Variants in CCDC3 observed in about 807,000 individuals in gnomAD.
The protein encoded by CCDC3 is coiled-coil domain-containing protein 3.
A neutral mutation model predicts 21.4 loss-of-function variants in CCDC3; 24 were observed. That is an observed-to-expected ratio of 1.12 (90% CI 0.81 to 1.58). The LOEUF (loss-of-function observed/expected upper bound fraction) is 1.58. Among genes scored for constraint, CCDC3 ranks in the 40% most tolerant of loss-of-function variants. The pLI, the probability that CCDC3 is intolerant of heterozygous loss-of-function variation, is 0.00. For synonymous variants in CCDC3, 186 were observed against 166.0 expected (o/e 1.12, Z -0.93); for missense variants, 425 against 360.9 (o/e 1.18, Z -1.44).
intron 2 of CCDC3, among the ~76,000 whole-genome samples, chr10:12,902,392 T>C (rs187178904): frequency 6.6e-6 from 1 of 152,252 alleles, no homozygotes; most frequent in African/African-American, 2.4e-5. Flanking sequence ...GTCTTGTGGA[T>C]AGATATTAGC....
At chr10:13,091,626 T>C (rs1343234131) in intron 3 of CCDC3, among the ~76,000 whole-genome samples, 1 of 152,168 alleles carries the variant, frequency 6.6e-6, no homozygotes, top group East Asian at 1.9e-4. Context: ...AACGCAGAAA[T>C]GTTCGCCTTC....
intron 5 of CCDC3, among the ~76,000 whole-genome samples, chr10:13,036,019 C>A (rs1330508731): frequency 6.6e-6 from 1 of 152,132 alleles, no homozygotes; most frequent in Non-Finnish European, 1.5e-5. Flanking sequence ...TGATATGCAC[C>A]TGCAGTCCCG....
intron 2 of CCDC3, among the ~76,000 whole-genome samples, chr10:12,913,801 G>A (rs913232069): frequency 2.6e-5 from 4 of 152,170 alleles, no homozygotes; most frequent in African/African-American, 9.7e-5. Flanking sequence ...AAAGGAAGTT[G>A]AATTTTGTCC....
At chr10:13,035,093 C>T (rs936919573) in intron 5 of CCDC3, among the ~76,000 whole-genome samples, 2 of 151,350 alleles carry the variant, frequency 1.3e-5, no homozygotes, top group East Asian at 1.9e-4. Context: ...GAAACCCCTA[C>T]GAAGCCCAGT....
chr10:12,983,128 GTGTATATATATATATATA>G (rs1374220413), intron 2 of CCDC3, among the ~76,000 whole-genome samples: 8,028 of 117,814 alleles, frequency 0.068, 548 homozygotes, highest in African/African-American at 0.14. Flanking sequence ...AAATAAAATA[GTGTATATATATATATATA>G]TATATATATA....
At chr10:13,026,515 G>A (rs1315068593) in intron 5 of CCDC3, among the ~76,000 whole-genome samples, 1 of 151,896 alleles carries the variant, frequency 6.6e-6, no homozygotes, top group Non-Finnish European at 1.5e-5. Flanking sequence ...AAGAATATGA[G>A]TGCTTCATGT....
At chr10:12,936,382 G>A (rs1834738309) in intron 2 of CCDC3, among the ~76,000 whole-genome samples, 1 of 151,936 alleles carries the variant, frequency 6.6e-6, no homozygotes, top group Non-Finnish European at 1.5e-5. Context: ...TTTTGAGACA[G>A]GATCTCACTC....
chr10:13,023,329 A>G (rs1476289397), intron 5 of CCDC3, among the ~76,000 whole-genome samples: 1 of 150,988 alleles, frequency 6.6e-6, no homozygotes, highest in Non-Finnish European at 1.5e-5. Context: ...TGTAGTCTGG[A>G]TGCTGGAATG....
chr10:12,963,570 G>A (rs71492275), intron 2 of CCDC3, among the ~76,000 whole-genome samples: 4 of 118,996 alleles, frequency 3.4e-5, no homozygotes, highest in Non-Finnish European at 7.0e-5. Context: ...CTCCAGTTTT[G>A]TTTTCCGGGT....
At chr10:12,933,454 C>CT (rs545950029) in intron 2 of CCDC3, among the ~76,000 whole-genome samples, 117 of 115,908 alleles carry the variant, frequency 1.0e-3, no homozygotes, top group African/African-American at 3.2e-3. Flanking sequence ...ATAATATTCC[C>CT]TTTATTTTTT....
rs554049598 is a variant in CCDC3 at position 12,970,011 on chromosome 10, C to T, written c.549+28327G>A. On this transcript the variant is annotated intron_variant, in intron 2 of 2. Coordinates refer to ENST00000378825, the MANE Select transcript of CCDC3 (RefSeq NM_031455.4). The stretch of plus-strand genomic sequence containing the variant: ...TTTTAATTTAAAACAGGATAGCCTG[C>T]AATGCCTTATCTCAAGTTAAATTAG... 2.0e-5 allele frequency among the ~76,000 whole-genome samples: 3 copies of T among 152,292 alleles called. No homozygotes were observed. In the South Asian group the frequency reaches 6.2e-4, roughly 32 times the overall value.
chr10:12,968,056 C>A (rs1315375513), intron 2 of CCDC3, among the ~76,000 whole-genome samples: 2 of 151,986 alleles, frequency 1.3e-5, no homozygotes, highest in African/African-American at 4.8e-5. Context: ...GTAATCCCAG[C>A]TACTCTGGAG....
intron 5 of CCDC3, among the ~76,000 whole-genome samples, chr10:13,042,575 C>T (rs1005851113): frequency 6.6e-5 from 10 of 152,198 alleles, no homozygotes; most frequent in African/African-American, 2.2e-4. Flanking sequence ...AGAACTTCAA[C>T]TTCCTGCTTG....
chr10:12,938,175 G>A (rs1834769448), intron 2 of CCDC3, among the ~76,000 whole-genome samples: 1 of 152,136 alleles, frequency 6.6e-6, no homozygotes, highest in African/African-American at 2.4e-5. Context: ...CTGAACAATG[G>A]TATTTCCAAA....
At chr10:12,929,193 T>C (rs555204044) in intron 2 of CCDC3, among the ~76,000 whole-genome samples, 28 of 135,466 alleles carry the variant, frequency 2.1e-4, no homozygotes, top group Non-Finnish European at 3.7e-4. Flanking sequence ...ACCCAGGGGG[T>C]GGAGGTCGCA....
intron 4 of CCDC3, among the ~76,000 whole-genome samples, chr10:13,070,971 T>C (rs1836874918): frequency 6.6e-6 from 1 of 152,194 alleles, no homozygotes; most frequent in African/African-American, 2.4e-5. Flanking sequence ...AACAGCAATC[T>C]CTGGCTGCAG....
chr10:12,974,992 T>G (rs1472096151), intron 2 of CCDC3, among the ~76,000 whole-genome samples: 2 of 152,212 alleles, frequency 1.3e-5, no homozygotes, highest in African/African-American at 4.8e-5. Flanking sequence ...ACCTCACATG[T>G]CACGTGACAA....
intron 3 of CCDC3, among the ~76,000 whole-genome samples, chr10:13,086,578 C>G (rs897772069): frequency 6.6e-6 from 1 of 152,186 alleles, no homozygotes; most frequent in African/African-American, 2.4e-5. Flanking sequence ...TCCCCAGCAG[C>G]TGGGATTACA....
intron 2 of CCDC3, among the ~76,000 whole-genome samples, chr10:12,917,405 C>G (rs1834377629): frequency 6.6e-6 from 1 of 151,822 alleles, no homozygotes; most frequent in Non-Finnish European, 1.5e-5. Context: ...ACCGTGTTAG[C>G]CAGGATGGTC....
Sources: gnomAD v4.1 joint callset for allele counts (sites outside exome capture counted in the v4.1 genomes callset) on GRCh38, gnomAD v4.1.1 for gene constraint, MANE v1.5 for transcripts, NCBI Gene and HGNC (gene_info 2026-07-23, HGNC 2026-07-21) for gene names.